MCF2L2: variants seen among roughly 807,000 people sequenced by gnomAD.
The protein encoded by MCF2L2 is probable guanine nucleotide exchange factor MCF2L2.
MCF2L2 carries 102 observed loss-of-function variants against 150.2 expected under a neutral mutation model. The ratio of observed to expected loss-of-function variants is 0.68; its 90% confidence interval spans 0.58 to 0.80. The LOEUF (loss-of-function observed/expected upper bound fraction) is 0.80. Ranked by LOEUF, MCF2L2 falls within the 30% of genes least tolerant of loss-of-function variation. The probability of loss-of-function intolerance (pLI) is 0.00; values close to 1 mark genes in which losing one functional copy is unlikely to be tolerated. For missense variants in MCF2L2, 1,256 were observed against 1,372.8 expected (o/e 0.91, Z 1.34); for synonymous variants, 465 against 491.3 (o/e 0.95, Z 0.71).
rs371946825 is a variant in MCF2L2, at chr3:183,318,119, T to G, written c.702A>C (p.Leu234=). 138 of 1,614,074 alleles carry G rather than the reference T, an allele frequency of 8.5e-5. No homozygotes were observed. Among genetic ancestry groups the G allele is most frequent in the Non-Finnish European group, 1.1e-4 (134 of 1,180,038 alleles). The change falls in exon 7 of 30, where the codon CTA becomes CTC. Residue 234 remains leucine (L), a synonymous_variant. Coordinates refer to ENST00000328913, the MANE Select transcript of MCF2L2 (RefSeq NM_015078.4). ...GGGACATGAGAAGGTCTTCCGTGGATAGCATGCTTCTGGGCAGCTCTGCTG... is the reference window on the plus strand; with the variant it reads ...GGGACATGAGAAGGTCTTCCGTGGAGAGCATGCTTCTGGGCAGCTCTGCTG... ...LATAELPRSM[L]STEDLLMSHT... is the part of the protein sequence containing the mutation.
At chr3:183,347,135 T>C (rs1577079746) in intron 3 of MCF2L2, among the ~76,000 whole-genome samples, 2 of 152,140 alleles carry the variant, frequency 1.3e-5, no homozygotes, top group East Asian at 1.9e-4. Flanking sequence ...GAAGGCATCA[T>C]GCTACCTGAC....
chr3:183,358,862 C>T (rs111555805), intron 3 of MCF2L2, among the ~76,000 whole-genome samples: 1 of 152,084 alleles, frequency 6.6e-6, no homozygotes, highest in African/African-American at 2.4e-5. Flanking sequence ...TCAAGTAATC[C>T]TTCTGCCTTG....
intron 1 of MCF2L2, among the ~76,000 whole-genome samples, chr3:183,419,642 G>A (rs1225248302): frequency 6.6e-6 from 1 of 152,180 alleles, no homozygotes; most frequent in East Asian, 1.9e-4. Context: ...GGAGGCCAAC[G>A]TGGGTGCATC....
chr3:183,243,321 CA>C lies in MCF2L2; in HGVS notation c.1863-12305del, dbSNP rs938071112. On this transcript the variant is annotated intron_variant, in intron 15 of 29. Transcript: ENST00000328913. ...CCCCAGCTTCATCAGGATCCTCCCA[CA>C]CATCCCCATTCTAAGTTGCAGGGTC... is the stretch of plus-strand genomic sequence containing the variant. Among the ~76,000 whole-genome samples the C allele has an allele frequency of 7.3e-4, 111 of 152,312 alleles. 1 individual carries two copies. Among genetic ancestry groups the C allele is most frequent in the Admixed American group, 5.0e-3 (77 of 15,294 alleles).
intron 5 of MCF2L2, among the ~76,000 whole-genome samples, chr3:183,330,982 C>T (rs1730251359): frequency 6.6e-6 from 1 of 152,110 alleles, no homozygotes; most frequent in African/African-American, 2.4e-5. Flanking sequence ...CCGCCACCCC[C>T]ACCCCAGGGC....
Position 183,362,099 on chromosome 3 carries a change from G to C in MCF2L2, c.275+17198C>G, listed in dbSNP as rs560629737. On this transcript the variant is annotated intron_variant, in intron 3 of 29. Transcript: ENST00000328913. ...TCTGAAAACATCTGAAATACTTCTTGTCTCAAGAACTTTTTTTTTTTTTGA... is the reference window on the plus strand; with the variant it reads ...TCTGAAAACATCTGAAATACTTCTTCTCTCAAGAACTTTTTTTTTTTTTGA... Among the ~76,000 whole-genome samples, 17 of 146,822 alleles carry C rather than the reference G, an allele frequency of 1.2e-4. No individual in the cohort carries two copies. In the East Asian group the frequency reaches 2.8e-3, roughly 24 times the overall value.
chr3:183,221,788 C>G (rs1723157689), intron 20 of MCF2L2, among the ~76,000 whole-genome samples: 1 of 152,148 alleles, frequency 6.6e-6, no homozygotes, highest in South Asian at 2.1e-4. Context: ...GGTGGTGTGA[C>G]AGTCTCAATG....
chr3:183,295,240 G>C, intron 13 of MCF2L2, 60 bp downstream of exon 13: 2 of 1,507,068 alleles, frequency 1.3e-6, no homozygotes, highest in Non-Finnish European at 1.8e-6. Context: ...ACCAGTCACA[G>C]TCCTCATGGT....
intron 15 of MCF2L2, among the ~76,000 whole-genome samples, chr3:183,261,001 T>C (rs1725529826): frequency 6.6e-6 from 1 of 152,240 alleles, no homozygotes; most frequent in Non-Finnish European, 1.5e-5. Flanking sequence ...TAGAATTTCT[T>C]TTCTTTTTTA....
chr3:183,266,729 C>T (rs944130220), intron 15 of MCF2L2, among the ~76,000 whole-genome samples: 2 of 152,292 alleles, frequency 1.3e-5, no homozygotes, highest in Admixed American at 6.5e-5. Context: ...CCAGAAATGA[C>T]CAGCCTGTCC....
chr3:183,285,507 C>T (rs571083523), intron 14 of MCF2L2, among the ~76,000 whole-genome samples: 6 of 152,294 alleles, frequency 3.9e-5, no homozygotes, highest in South Asian at 2.1e-4. Context: ...GCTGATAAAA[C>T]GGAAAACATC....
At chr3:183,252,311 T>A (rs1432609147) in intron 15 of MCF2L2, among the ~76,000 whole-genome samples, 1 of 152,168 alleles carries the variant, frequency 6.6e-6, no homozygotes, top group Non-Finnish European at 1.5e-5. Flanking sequence ...TGTCAATGAC[T>A]CCTTTGCAAA....
At position 183,270,885 on chromosome 3, in the gene MCF2L2, T is replaced by TG; in HGVS notation, c.1862+5986dup. On this transcript the variant is annotated intron_variant, in intron 15 of 29. Coordinates refer to ENST00000328913, the MANE Select transcript of MCF2L2 (RefSeq NM_015078.4). This position sits in a 1 kb window ranked among gnomAD's most constrained non-coding sequence, Gnocchi z 4.5. Reference sequence around the variant, plus strand: ...CAGATTAATGAAGATAATTCTCCTTTGTAAAATTAGCTATGTGGACACATA... The same window carrying TG: ...CAGATTAATGAAGATAATTCTCCTTTGGTAAAATTAGCTATGTGGACACATA... 2 of 1,607,850 alleles carry TG rather than the reference T, an allele frequency of 1.2e-6. No homozygotes were observed. The highest frequency in any genetic ancestry group is 1.7e-6 in the Non-Finnish European group (2 of 1,177,934).
intron 18 of MCF2L2, 158 bp from the exon 19 acceptor site, chr3:183,224,348 G>T: frequency 3.4e-6 from 2 of 582,036 alleles, no homozygotes; most frequent in Non-Finnish European, 6.1e-6. Flanking sequence ...ATGTGTGTGT[G>T]ATGGAGAGAT....
intron 15 of MCF2L2, among the ~76,000 whole-genome samples, chr3:183,275,098 A>G (rs1727085311): frequency 6.6e-6 from 1 of 151,788 alleles, no homozygotes; most frequent in African/African-American, 2.4e-5. Flanking sequence ...ATCCAATTCT[A>G]CCTCCTCTCT....
At chr3:183,373,055 T>G (rs995738326) in intron 3 of MCF2L2, 1 of 152,230 alleles carries the variant, frequency 6.6e-6, no homozygotes, top group African/African-American at 2.4e-5. Flanking sequence ...CATCTGGCTC[T>G]ACTCTGTAGC....
In MCF2L2 at chr3:183,283,158, A is replaced by T. The variant is rs947036810; in HGVS notation, c.1776+5962T>A. ...TTTCTCTGATAGTCGTGTTCTAGCC[A>T]CTAGGGAGAACGTTTCAGTCAATGG... is the stretch of plus-strand genomic sequence containing the variant. On this transcript the variant is annotated intron_variant, in intron 14 of 29. Transcript: ENST00000328913. The surrounding 1 kb of genome is among the most constrained non-coding windows in gnomAD (Gnocchi z 4.2). Among the ~76,000 whole-genome samples, 1 of 152,030 alleles carries T rather than the reference A, an allele frequency of 6.6e-6. No homozygotes were observed. Among genetic ancestry groups the T allele is most frequent in the Non-Finnish European group, 1.5e-5 (1 of 67,998 alleles).
intron 25 of MCF2L2, among the ~76,000 whole-genome samples, chr3:183,196,856 T>C (rs1722099313): frequency 6.6e-6 from 1 of 152,158 alleles, no homozygotes; most frequent in East Asian, 1.9e-4. Flanking sequence ...GATTTTTGCA[T>C]TCCTGTCACA....
At position 183,255,823 on chromosome 3, in the gene MCF2L2, G is replaced by GA. The variant is rs1724994934; in HGVS notation, c.1862+21048dup. On this transcript the variant is annotated intron_variant, in intron 15 of 29. Coordinates refer to ENST00000328913, the MANE Select transcript of MCF2L2 (RefSeq NM_015078.4). ...GTGAGATTGTAAAAAAAAAAAAAAA[G>GA]AAAAAGAAAACTTTCTAATTCTCAA... Among the ~76,000 whole-genome samples the GA allele has an allele frequency of 3.4e-5, 5 of 145,974 alleles. No individual in the cohort carries two copies. The South Asian group carries it at 1.1e-3, about 32-fold the overall frequency.
Sources: gnomAD v4.1 joint callset for allele counts (sites outside exome capture counted in the v4.1 genomes callset) on GRCh38, gnomAD v4.1.1 for gene constraint, Gnocchi (gnomAD v3.1) non-coding constraint, MANE v1.5 for transcripts, NCBI Gene and HGNC (gene_info 2026-07-23, HGNC 2026-07-21) for gene names.